The following THADA variants were observed in gnomAD, a reference collection of about 807,000 sequenced individuals.
The protein encoded by THADA is tRNA (32-2'-O)-methyltransferase regulator THADA.
Under a neutral mutation model 219.8 loss-of-function variants are expected in THADA, and 213 were observed. The observed-to-expected ratio is 0.97, with a 90% CI of 0.87 to 1.09. The LOEUF (loss-of-function observed/expected upper bound fraction) is 1.09. Among genes scored for constraint, THADA ranks in the 50% least tolerant of loss-of-function variants. THADA has a pLI of 0.00. For missense variants in THADA, 2,956 were observed against 2,311.3 expected, an observed-to-expected ratio of 1.28 and a Z score of -5.72; for synonymous variants, 1,018 against 828.9, an observed-to-expected ratio of 1.23 and a Z score of -3.92.
In THADA at chr2:43,586,386, A is replaced by C; in HGVS notation, c.533+15T>G. 6.4e-7 allele frequency: 1 copy of C among 1,568,646 alleles called. No individual in the cohort carries two copies. Among genetic ancestry groups the C allele is most frequent in the Non-Finnish European group, 8.6e-7 (1 of 1,160,066 alleles). Reference sequence around the variant, plus strand: ...TGCAAGTGTGCACACACAAATGCCAACATATAGCACTTGCCTATTTTCTTC... The same window carrying C: ...TGCAAGTGTGCACACACAAATGCCACCATATAGCACTTGCCTATTTTCTTC... On this transcript the variant is annotated intron_variant, in intron 7 of 37. Coordinates refer to ENST00000405975, the MANE Select transcript of THADA (RefSeq NM_022065.5).
intron 22 of THADA, among the ~76,000 whole-genome samples, chr2:43,527,454 T>C (rs1446994003): frequency 6.6e-6 from 1 of 152,196 alleles, no homozygotes; most frequent in Non-Finnish European, 1.5e-5. Context: ...ACTGTTCTTT[T>C]AAACTTTTCT....
chr2:43,367,187 A>T (rs915351564), intron 29 of THADA, among the ~76,000 whole-genome samples: 2 of 152,136 alleles, frequency 1.3e-5, no homozygotes, highest in African/African-American at 4.8e-5. Flanking sequence ...GAGAAAGGAG[A>T]AATAGGGCGC....
intron 30 of THADA, among the ~76,000 whole-genome samples, chr2:43,327,419 T>TGGGTGAGAGGCAAAGGGAGAGAAGGC (rs1679456508): frequency 1.7e-5 from 2 of 116,656 alleles, no homozygotes; most frequent in Non-Finnish European, 3.4e-5. Flanking sequence ...AGAGGAAAAG[T>TGGGTGAGAGGCAAAGGGAGAGAAGGC]GGGTGAGAGG....
At chr2:43,332,010 C>T (rs909840406) in intron 30 of THADA, among the ~76,000 whole-genome samples, 8 of 151,760 alleles carry the variant, frequency 5.3e-5, no homozygotes, top group African/African-American at 1.7e-4. Context: ...GCAATGAGAC[C>T]TTCACAATTT....
rs1385063355 is a variant in THADA, at chr2:43,532,419, A to AG, written c.3265-4432_3265-4431insC. Among the ~76,000 whole-genome samples, 328 of 151,174 alleles carry AG rather than the reference A, an allele frequency of 2.2e-3. 2 individuals carry two copies. The highest frequency in any genetic ancestry group is 0.01 in the Middle Eastern group (3 of 292). ...CAGAGTGAGACTCCACCTCAAAAAAAAAAAAAAAAAAAAAAGGATGGTTCA... is the reference window on the plus strand; with the variant it reads ...CAGAGTGAGACTCCACCTCAAAAAAAGAAAAAAAAAAAAAAAGGATGGTTCA... On this transcript the variant is annotated intron_variant, in intron 21 of 37. Transcript: ENST00000405975.
intron 29 of THADA, among the ~76,000 whole-genome samples, chr2:43,390,069 T>C (rs1028052373): frequency 6.6e-6 from 1 of 152,210 alleles, no homozygotes; most frequent in African/African-American, 2.4e-5. Flanking sequence ...ACATTTACTC[T>C]ACATCTCTAA....
chr2:43,454,253 G>A (rs1682712930), intron 26 of THADA, among the ~76,000 whole-genome samples: 1 of 152,120 alleles, frequency 6.6e-6, no homozygotes, highest in Non-Finnish European at 1.5e-5. Context: ...AAATAAGTAA[G>A]TAGAAGGAGA....
rs897621872 is a variant in THADA at position 43,572,926 on chromosome 2, G to C, written c.1796C>G (p.Ala599Gly). ...ATGAGCTCTAGCTATTCGCAGACATGCCATCAAAGCTCCCAGAGCCCCCCT... is the reference window on the plus strand; with the variant it reads ...ATGAGCTCTAGCTATTCGCAGACATCCCATCAAAGCTCCCAGAGCCCCCCT... ...NSRGALGALMACLRIARAHGH... is the reference protein window; with the variant it reads ...NSRGALGALMGCLRIARAHGH... Residue 599 changes from alanine to glycine, a missense_variant, in exon 12 of 38, where the codon GCA (alanine) becomes GGA (glycine). Ala to Gly is a moderately conservative substitution (Grantham distance 60, BLOSUM62 0). Transcript: ENST00000405975. 1.2e-6 allele frequency: 2 copies of C among 1,613,922 alleles called. No individual in the cohort carries two copies.
chr2:43,471,482 G>T (rs1020739027), intron 26 of THADA, among the ~76,000 whole-genome samples: 1 of 152,178 alleles, frequency 6.6e-6, no homozygotes, highest in African/African-American at 2.4e-5. Context: ...AGTGACCTAT[G>T]ATTGTGCTAC....
intron 26 of THADA, among the ~76,000 whole-genome samples, chr2:43,477,947 T>G (rs1314875319): frequency 2.0e-5 from 3 of 152,252 alleles, no homozygotes; most frequent in Admixed American, 2.0e-4. Context: ...ATTGAAATCC[T>G]GACCATCCTT....
intron 4 of THADA, among the ~76,000 whole-genome samples, chr2:43,588,330 T>C (rs1439602083): frequency 6.6e-6 from 1 of 150,496 alleles, no homozygotes; most frequent in Non-Finnish European, 1.5e-5. Context: ...GCAAATAATG[T>C]TTTAAATAAT....
chr2:43,536,226 G>C (rs1225123088), intron 21 of THADA, among the ~76,000 whole-genome samples: 2 of 152,140 alleles, frequency 1.3e-5, no homozygotes, highest in East Asian at 1.9e-4. Context: ...CCCAATGAGA[G>C]TTCGTGGAGC....
chr2:43,467,047 T>C (rs1472725422), intron 26 of THADA, among the ~76,000 whole-genome samples: 1 of 151,122 alleles, frequency 6.6e-6, no homozygotes, highest in Non-Finnish European at 1.5e-5. Flanking sequence ...CCAGGCGTGG[T>C]AGCGGGCGCC....
Position 43,552,305 on chromosome 2 carries a change from T to G in THADA, c.2709A>C (p.Glu903Asp), listed in dbSNP as rs1330518604. 1 of 1,604,058 alleles carries G rather than the reference T, an allele frequency of 6.2e-7. No individual in the cohort carries two copies. The highest frequency in any genetic ancestry group is 2.2e-5 in the East Asian group (1 of 44,722). The stretch of plus-strand genomic sequence containing the variant: ...GCAGAGAATTTTCAGCCTGAGATAC[T>G]TCTTCCTCAAGATTTTCCATCAAGC... ...IKCLMENLEE[E>D]VSQAENSLLQ... is the part of the protein sequence containing the mutation. The change falls in exon 18 of 38, where the codon GAA becomes GAC. Residue 903 changes from glutamate (E) to aspartate (D), a missense_variant. Coordinates refer to ENST00000405975, the MANE Select transcript of THADA (RefSeq NM_022065.5).
In THADA at chr2:43,353,054, A is replaced by G. The variant is rs72790909; in HGVS notation, c.4228-8817T>C. Among the ~76,000 whole-genome samples, 213 of 152,270 alleles carry G rather than the reference A, an allele frequency of 1.4e-3. 1 individual carries two copies. The highest frequency in any genetic ancestry group is 3.4e-3 in the Middle Eastern group (1 of 294). ...AGCAAAGTGTCCTCCTGGTCCATTC[A>G]TGTAGCAAATGGCAAGATCTCCTCC... is the stretch of plus-strand genomic sequence containing the variant. On this transcript the variant is annotated intron_variant, in intron 29 of 37. Transcript: ENST00000405975.
intron 29 of THADA, among the ~76,000 whole-genome samples, chr2:43,373,716 G>A (rs1246638722): frequency 6.6e-6 from 1 of 152,040 alleles, no homozygotes; most frequent in Admixed American, 6.5e-5. Context: ...GGCCTCATGT[G>A]ATCTGTCCAC....
At position 43,596,015 on chromosome 2, in the gene THADA, T is replaced by C. The variant is rs565278017; in HGVS notation, c.-109A>G. 250 of 152,402 alleles carry C rather than the reference T, an allele frequency of 1.6e-3. No homozygotes were observed. The highest frequency in any genetic ancestry group is 2.7e-3 in the Non-Finnish European group (182 of 68,092). 9.4% of individuals were successfully genotyped at this position (152,402 alleles called of 1,614,324 possible). A position where few individuals can be genotyped will look rare whatever the true frequency, so the allele number is the denominator to read the frequency against. On this transcript the variant is annotated 5_prime_UTR_variant, in exon 1 of 38. Transcript: ENST00000405975. Reference sequence around the variant, plus strand: ...TCTCCTTCTACGGCGTCTCCGAGGCTCGCAGCGCGGTCCACGGTCGACTAC... The same window carrying C: ...TCTCCTTCTACGGCGTCTCCGAGGCCCGCAGCGCGGTCCACGGTCGACTAC...
rs536269487 is a variant in THADA at position 43,415,324 on chromosome 2, A to G, written c.4058+12776T>C. On this transcript the variant is annotated intron_variant, in intron 28 of 37. Transcript: ENST00000405975. The stretch of plus-strand genomic sequence containing the variant: ...CTTATGACCTGTCAAATCATTTAAT[A>G]TAGGTTTCAATTACCCTAGGGGTAA... 2.0e-5 allele frequency among the ~76,000 whole-genome samples: 3 copies of G among 152,296 alleles called. No homozygotes were observed. The South Asian group carries it at 6.2e-4, about 32-fold the overall frequency.
At chr2:43,282,652 G>T (rs931099000) in intron 35 of THADA, among the ~76,000 whole-genome samples, 1 of 152,136 alleles carries the variant, frequency 6.6e-6, no homozygotes, top group Non-Finnish European at 1.5e-5. Flanking sequence ...CAGGGTTGGG[G>T]TTGAAGCACA....
Sources: allele counts gnomAD v4.1 joint callset (sites outside exome capture counted in the v4.1 genomes callset), GRCh38; gene constraint gnomAD v4.1.1; transcripts MANE v1.5; gene names NCBI Gene and HGNC (gene_info 2026-07-23, HGNC 2026-07-21).